Variants in PCDHGB2 observed in about 807,000 individuals in gnomAD.
The protein encoded by PCDHGB2 is protocadherin gamma subfamily B, 2.
PCDHGB2 carries 55 observed loss-of-function variants against 59.3 expected under a neutral mutation model. That is an observed-to-expected ratio of 0.93 (90% CI 0.75 to 1.16). PCDHGB2 has a LOEUF of 1.16. PCDHGB2 is among the 50% of genes most tolerant of loss of function. The pLI, the probability that PCDHGB2 is intolerant of heterozygous loss-of-function variation, is 0.00. For synonymous variants in PCDHGB2, 516 were observed against 512.0 expected (o/e 1.01, Z -0.11); for missense variants, 1,228 against 1,198.5 (o/e 1.02, Z -0.36).
chr5:141,464,394 G>A (rs1277856342), intron 1 of PCDHGB2, among the ~76,000 whole-genome samples: 1 of 150,654 alleles, frequency 6.6e-6, no homozygotes. Context: ...TGCTAATGAA[G>A]AACCTGAGAT....
In PCDHGB2 at chr5:141,485,472, C is replaced by T. The variant is rs1185020546; in HGVS notation, c.2422-9335C>T. On this transcript the variant is annotated intron_variant, in intron 1 of 3. Transcript: ENST00000522605. This position sits in a 1 kb window ranked among gnomAD's most constrained non-coding sequence, Gnocchi z 5.7. The stretch of plus-strand genomic sequence containing the variant: ...CGAGAGGCACTGTGTGGGCTCAGTG[C>T]CAGCTGCATCGTGCCCCTGGAGTTT... The T allele has an allele frequency of 3.1e-6, 5 of 1,614,138 alleles. No individual in the cohort carries two copies. In the South Asian group the frequency reaches 5.5e-5, roughly 18 times the overall value.
At position 141,421,233 on chromosome 5, in the gene PCDHGB2, G is replaced by A. The variant is rs201076931; in HGVS notation, c.2421+58677G>A. Reference sequence around the variant, plus strand: ...ATATCGGCTTAGAGCCTGCCATGGCGAATCGGCTACAGCGCGGGGACCGCA... The same window carrying A: ...ATATCGGCTTAGAGCCTGCCATGGCAAATCGGCTACAGCGCGGGGACCGCA... On this transcript the variant is annotated intron_variant, in intron 1 of 3. Coordinates refer to ENST00000522605, the MANE Select transcript of PCDHGB2 (RefSeq NM_018923.3). 1.4e-3 allele frequency: 2,185 copies of A among 1,592,236 alleles called. 58 individuals are homozygous for A. In the South Asian group the frequency reaches 0.024, roughly 17 times the overall value.
At position 141,511,148 on chromosome 5, in the gene PCDHGB2, A is replaced by C; in HGVS notation, c.2771A>C (p.Lys924Thr). Residue 924 changes from lysine to threonine, a missense_variant, in exon 4 of 4, where the codon AAG (lysine) becomes ACG (threonine). Coordinates refer to ENST00000522605, the MANE Select transcript of PCDHGB2 (RefSeq NM_018923.3). ...APAGGNGNKKKSGKKEKK is the reference protein window; with the variant it reads ...APAGGNGNKKTSGKKEKK ...GCAGGTGGCAATGGCAACAAGAAGA[A>C]GTCGGGCAAGAAGGAGAAGAAGTAA... is the stretch of plus-strand genomic sequence containing the variant. The C allele has an allele frequency of 6.2e-7, 1 of 1,614,202 alleles. No individual in the cohort carries two copies. Among genetic ancestry groups the C allele is most frequent in the East Asian group, 2.2e-5 (1 of 44,882 alleles).
At chr5:141,389,337 G>T (rs756804360) in intron 1 of PCDHGB2, 7 of 1,614,014 alleles carry the variant, frequency 4.3e-6, no homozygotes, top group Non-Finnish European at 5.9e-6. Flanking sequence ...CAACGGCCAA[G>T]TCTCTTACTG....
intron 1 of PCDHGB2, among the ~76,000 whole-genome samples, chr5:141,425,040 A>G (rs2096853898): frequency 6.6e-6 from 1 of 152,182 alleles, no homozygotes; most frequent in South Asian, 2.1e-4. Flanking sequence ...TTAGTTGTAA[A>G]CTGACTATCT....
intron 1 of PCDHGB2, chr5:141,399,515 C>T (rs748098945): frequency 6.2e-7 from 1 of 1,614,040 alleles, no homozygotes; most frequent in African/African-American, 1.3e-5. Context: ...AACAACCCTC[C>T]TGGGGCCTCC....
intron 1 of PCDHGB2, chr5:141,404,430 A>G (rs917902438): frequency 6.2e-7 from 1 of 1,613,298 alleles, no homozygotes; most frequent in African/African-American, 1.3e-5. Context: ...TCCTTGGCAG[A>G]GGATACCATC....
chr5:141,361,600 T>C lies in PCDHGB2; in HGVS notation c.1465T>C (p.Tyr489His). The change falls in exon 1 of 4, where the codon TAC (tyrosine) becomes CAC (histidine). Residue 489 changes from tyrosine (Y) to histidine (H), a missense_variant. Physicochemically the swap from Tyr to His is moderately conservative, Grantham distance 83. Coordinates refer to ENST00000522605, the MANE Select transcript of PCDHGB2 (RefSeq NM_018923.3). ...CTTGGGCCCCAGTGGCCAAGTTTCCTACTCCATCGTAGCGAGCGACCTGAA... is the reference window on the plus strand; with the variant it reads ...CTTGGGCCCCAGTGGCCAAGTTTCCCACTCCATCGTAGCGAGCGACCTGAA... Reference protein sequence around the residue: ...PDLGPSGQVSYSIVASDLKPR... With the variant: ...PDLGPSGQVSHSIVASDLKPR... The C allele has an allele frequency of 6.2e-7, 1 of 1,614,024 alleles. No individual in the cohort carries two copies. Among genetic ancestry groups the C allele is most frequent in the Non-Finnish European group, 8.5e-7 (1 of 1,179,888 alleles).
intron 1 of PCDHGB2, chr5:141,428,075 A>G (rs1427780901): frequency 5.0e-6 from 8 of 1,609,154 alleles, no homozygotes; most frequent in Non-Finnish European, 4.2e-6. Context: ...CAGATTCGGG[A>G]CACAACGCTT....
chr5:141,418,938 C>A, intron 1 of PCDHGB2: 3 of 1,613,738 alleles, frequency 1.9e-6, no homozygotes, highest in Non-Finnish European at 2.5e-6. Flanking sequence ...ATGGAGGATT[C>A]CCCTCCAGGA....
At chr5:141,478,449 C>A in intron 1 of PCDHGB2, 1 of 1,613,540 alleles carries the variant, frequency 6.2e-7, no homozygotes. Context: ...AAACCTGGTG[C>A]AGCCAGTCCA....
intron 1 of PCDHGB2, chr5:141,471,533 G>C (rs921328911): frequency 1.3e-5 from 2 of 152,234 alleles, no homozygotes. Context: ...AGGAAGCTAT[G>C]ATAGCATTTA....
rs146860480 is a variant in PCDHGB2 at position 141,474,581 on chromosome 5, T to G, written c.2422-20226T>G. ...GGTTTTCAGAGATTAATTGAAGTGTTAAAGACATGGAAATATAGGTCACAT... is the reference window on the plus strand; with the variant it reads ...GGTTTTCAGAGATTAATTGAAGTGTGAAAGACATGGAAATATAGGTCACAT... On this transcript the variant is annotated intron_variant, in intron 1 of 3. Transcript: ENST00000522605. Among the ~76,000 whole-genome samples the G allele has an allele frequency of 7.1e-4, 108 of 152,358 alleles. No homozygotes were observed. The East Asian group carries it at 0.015, about 21-fold the overall frequency.
At chr5:141,376,311 T>G in intron 1 of PCDHGB2, 1 of 1,613,882 alleles carries the variant, frequency 6.2e-7, no homozygotes, top group Non-Finnish European at 8.5e-7. Context: ...TTTGTGGGCG[T>G]GGAAGGGGTT....
intron 1 of PCDHGB2, chr5:141,400,589 A>G (rs771561940): frequency 4.4e-6 from 7 of 1,605,662 alleles, no homozygotes; most frequent in South Asian, 2.2e-5. Flanking sequence ...ACATGAAACT[A>G]TCGTACATTT....
At chr5:141,372,777 GA>G in intron 1 of PCDHGB2, 1 of 1,609,460 alleles carries the variant, frequency 6.2e-7, no homozygotes, top group East Asian at 2.2e-5. Flanking sequence ...TGACAATCCA[GA>G]AATGCCTTCT....
At chr5:141,415,739 GGTTTTTTTT>G in intron 1 of PCDHGB2, 5 of 434,942 alleles carry the variant, frequency 1.1e-5, no homozygotes, top group African/African-American at 9.8e-5. Context: ...TGTTTATTAA[GGTTTTTTTT>G]TTTTTTTTTT....
chr5:141,381,194 A>G (rs1490314402), intron 1 of PCDHGB2, among the ~76,000 whole-genome samples: 2 of 152,234 alleles, frequency 1.3e-5, no homozygotes, highest in African/African-American at 4.8e-5. Context: ...AAGCTTTCTT[A>G]GTGTTAGTTC....
rs780843098 is a variant in PCDHGB2 at position 141,431,185 on chromosome 5, T to C, written c.2422-63622T>C. On this transcript the variant is annotated intron_variant, in intron 1 of 3. Coordinates refer to ENST00000522605, the MANE Select transcript of PCDHGB2 (RefSeq NM_018923.3). The surrounding 1 kb of genome is among the most constrained non-coding windows in gnomAD (Gnocchi z 4.8). ...GTGAAAGTGAATTAGAAATAAAAAT[T>C]AGTGAAAATGCAGCCACTGAGATGC... The C allele has an allele frequency of 3.1e-6, 5 of 1,613,982 alleles. No homozygotes were observed. The highest frequency in any genetic ancestry group is 4.2e-6 in the Non-Finnish European group (5 of 1,180,016).
Sources: allele counts gnomAD v4.1 joint callset (sites outside exome capture counted in the v4.1 genomes callset), GRCh38; gene constraint gnomAD v4.1.1; non-coding constraint Gnocchi (gnomAD v3.1); transcripts MANE v1.5; gene names NCBI Gene and HGNC (gene_info 2026-07-23, HGNC 2026-07-21).